CDH7: variants seen among roughly 807,000 people sequenced by gnomAD.
CDH7 encodes the protein cadherin-7.
Under a neutral mutation model 71.8 loss-of-function variants are expected in CDH7, and 25 were observed. That is an observed-to-expected ratio of 0.35 (90% CI 0.25 to 0.49). The LOEUF (loss-of-function observed/expected upper bound fraction) is 0.49, where lower values mean the gene tolerates loss of function less well. Among genes scored for constraint, CDH7 ranks in the 20% least tolerant of loss-of-function variants. CDH7 has a pLI of 0.99. For synonymous variants in CDH7, 381 were observed against 363.8 expected (o/e 1.05, Z -0.54); for missense variants, 862 against 974.6 (o/e 0.88, Z 1.54).
chr18:65,752,479 C>A (rs544015138), intron 1 of CDH7, among the ~76,000 whole-genome samples: 1 of 152,250 alleles, frequency 6.6e-6, no homozygotes, highest in East Asian at 1.9e-4. Context: ...ACATTTGAAG[C>A]GTTCAGTAAC....
At chr18:65,843,677 T>G (rs538622284) in intron 6 of CDH7, 135 bp from the exon 7 acceptor site, 15 of 698,734 alleles carry the variant, frequency 2.1e-5, no homozygotes, top group Non-Finnish European at 8.9e-6. Context: ...CATTGTTATT[T>G]ATTATTTTTG....
At chr18:65,879,526 C>T (rs375773271) in intron 11 of CDH7, among the ~76,000 whole-genome samples, 1 of 152,048 alleles carries the variant, frequency 6.6e-6, no homozygotes, top group Non-Finnish European at 1.5e-5. Flanking sequence ...CAAATGTATT[C>T]CCAATTCAAG....
rs776142318 is a variant in CDH7, at chr18:65,830,529, CCTTT to C, written c.981+5702_981+5705del. 3.3e-3 allele frequency among the ~76,000 whole-genome samples: 502 copies of C among 150,588 alleles called. 1 individual carries two copies. The highest frequency in any genetic ancestry group is 0.024 in the Middle Eastern group (7 of 290). On this transcript the variant is annotated intron_variant, in intron 6 of 11. Transcript: ENST00000397968. ...AATACATTTCCTTCCTCCCTTCCTTCCTTTCTTCCTCCCTTCCTTCCTTCTTTCC... is the reference window on the plus strand; with the variant it reads ...AATACATTTCCTTCCTCCCTTCCTTCCTTCCTCCCTTCCTTCCTTCTTTCC...
chr18:65,815,921 A>T (rs1911708473), intron 4 of CDH7, among the ~76,000 whole-genome samples: 1 of 152,140 alleles, frequency 6.6e-6, no homozygotes, highest in Non-Finnish European at 1.5e-5. Flanking sequence ...GCTCACAATC[A>T]TACACTCCTG....
chr18:65,864,678 G>A (rs1183440113), intron 11 of CDH7, among the ~76,000 whole-genome samples: 1 of 151,514 alleles, frequency 6.6e-6, no homozygotes, highest in Non-Finnish European at 1.5e-5. Context: ...CATGAGGTCA[G>A]GAGATCAAGA....
chr18:65,817,966 C>A (rs1911778926), intron 4 of CDH7, among the ~76,000 whole-genome samples: 1 of 152,052 alleles, frequency 6.6e-6, no homozygotes, highest in South Asian at 2.1e-4. Flanking sequence ...CTTCTTTGTT[C>A]AGGATCTATT....
At chr18:65,836,986 A>G (rs1912552994) in intron 6 of CDH7, among the ~76,000 whole-genome samples, 1 of 152,168 alleles carries the variant, frequency 6.6e-6, no homozygotes, top group African/African-American at 2.4e-5. Context: ...CAGAGCTGGC[A>G]AGACCTCCAG....
intron 6 of CDH7, among the ~76,000 whole-genome samples, chr18:65,839,234 A>G (rs1912641622): frequency 6.6e-6 from 1 of 152,212 alleles, no homozygotes; most frequent in Non-Finnish European, 1.5e-5. Flanking sequence ...TATAACAGAA[A>G]TATATGCTGG....
At chr18:65,861,361 G>GTGTC (rs1199923902) in intron 10 of CDH7, among the ~76,000 whole-genome samples, 24 of 151,206 alleles carry the variant, frequency 1.6e-4, no homozygotes, top group Non-Finnish European at 2.7e-4. Context: ...GTGTGTGTGT[G>GTGTC]ATTTTGGTAT....
At chr18:65,752,951 T>C (rs1311554453) in intron 1 of CDH7, among the ~76,000 whole-genome samples, 1 of 152,216 alleles carries the variant, frequency 6.6e-6, no homozygotes, top group Non-Finnish European at 1.5e-5. Context: ...CTTTACAGAC[T>C]CACAAGTCTT....
intron 2 of CDH7, among the ~76,000 whole-genome samples, chr18:65,776,950 A>C (rs1598995615): frequency 6.6e-6 from 1 of 152,236 alleles, no homozygotes; most frequent in African/African-American, 2.4e-5. Flanking sequence ...ACCTTTGGAA[A>C]GATAAATGAG....
chr18:65,880,891 A>G lies in CDH7; in HGVS notation c.2355A>G (p.Ser785=), dbSNP rs758171285. The G allele has an allele frequency of 2.0e-5, 32 of 1,592,620 alleles. 1 individual carries two copies. In the South Asian group the frequency reaches 3.4e-4, roughly 17 times the overall value. The change falls in exon 12 of 12, where the codon TCA becomes TCG. Residue 785 remains serine (S), a synonymous_variant. Transcript: ENST00000397968. ...MYGTGQESLY[S] is the part of the protein sequence containing the mutation. ...GGACTGGCCAAGAGAGTTTGTACTC[A>G]TAGCCTTGGAACCTTAATTCGAAAT...
At chr18:65,773,470 C>T (rs1398326336) in intron 2 of CDH7, among the ~76,000 whole-genome samples, 1 of 152,068 alleles carries the variant, frequency 6.6e-6, no homozygotes, top group Admixed American at 6.6e-5. Flanking sequence ...ATCAGGTAGC[C>T]TGAGGTCCAT....
chr18:65,814,542 G>C lies in CDH7; in HGVS notation c.563G>C (p.Ser188Thr). Residue 188 changes from serine to threonine, a missense_variant, in exon 4 of 12, where the codon AGT becomes ACT. By Grantham distance (58) the Ser-to-Thr change is moderately conservative. Coordinates refer to ENST00000397968, the MANE Select transcript of CDH7 (RefSeq NM_004361.5). The stretch of plus-strand genomic sequence containing the variant: ...GCTGATGATCCTACATATGGCAACA[G>C]TGCCAGAGTGGTCTACAGTATTCTG... The part of the protein sequence containing the change: ...TDADDPTYGN[S>T]ARVVYSILQG... 1 of 1,613,580 alleles carries C rather than the reference G, an allele frequency of 6.2e-7. No homozygotes were observed.
intron 4 of CDH7, among the ~76,000 whole-genome samples, chr18:65,816,961 C>G (rs1337918641): frequency 1.3e-5 from 2 of 152,074 alleles, no homozygotes; most frequent in Non-Finnish European, 2.9e-5. Flanking sequence ...CAAACAGATA[C>G]CTTTTTTGGA....
At chr18:65,867,977 G>A (rs1370900955) in intron 11 of CDH7, among the ~76,000 whole-genome samples, 2 of 152,120 alleles carry the variant, frequency 1.3e-5, no homozygotes, top group Non-Finnish European at 2.9e-5. Context: ...TTGGCCACCA[G>A]TAACTGTGGC....
chr18:65,865,840 A>T (rs996002435), intron 11 of CDH7: 2 of 152,150 alleles, frequency 1.3e-5, no homozygotes, highest in Non-Finnish European at 2.9e-5. Context: ...CAAATAATTC[A>T]TTCTTTATGA....
rs955113527 is a variant in CDH7 at position 65,885,571 on chromosome 18, G to A, written c.*4677G>A. 1 of 151,466 alleles carries A rather than the reference G, an allele frequency of 6.6e-6. No individual in the cohort carries two copies. The highest frequency in any genetic ancestry group is 1.5e-5 in the Non-Finnish European group (1 of 67,938). The allele number at this position is 151,466 out of a possible 1,614,324, so 9.4% of individuals were successfully genotyped here. On this transcript the variant is annotated 3_prime_UTR_variant, in exon 12 of 12. Coordinates refer to ENST00000397968, the MANE Select transcript of CDH7 (RefSeq NM_004361.5). ...TTTTTTGTATTTTTAGTACAGACGG[G>A]GTTTCACCGTGGTCTCGATCTCCTG...
chr18:65,791,697 A>T (rs898039788), intron 2 of CDH7, among the ~76,000 whole-genome samples: 2 of 152,190 alleles, frequency 1.3e-5, no homozygotes, highest in Non-Finnish European at 2.9e-5. Context: ...AGATACAGAG[A>T]ATGGCTGATA....
Sources: allele counts gnomAD v4.1 joint callset (sites outside exome capture counted in the v4.1 genomes callset), GRCh38; gene constraint gnomAD v4.1.1; transcripts MANE v1.5; gene names NCBI Gene and HGNC (gene_info 2026-07-23, HGNC 2026-07-21).